The following KIF21B variants were observed in gnomAD, a reference collection of about 807,000 sequenced individuals.
KIF21B encodes the protein kinesin family member 21B.
KIF21B carries 85 observed loss-of-function variants against 192.9 expected under a neutral mutation model. That is an observed-to-expected ratio of 0.44 (90% CI 0.37 to 0.53). The LOEUF (loss-of-function observed/expected upper bound fraction) is 0.53. Among genes scored for constraint, KIF21B ranks in the 20% least tolerant of loss-of-function variants. The pLI, the probability that KIF21B is intolerant of heterozygous loss-of-function variation, is 0.00. For missense variants in KIF21B, 1,716 were observed against 2,194.8 expected, an observed-to-expected ratio of 0.78 and a Z score of 4.36; for synonymous variants, 832 against 884.6, an observed-to-expected ratio of 0.94 and a Z score of 1.05.
chr1:200,988,587 G>T, intron 22 of KIF21B, 43 bp from the exon 23 acceptor site: 1 of 1,517,500 alleles, frequency 6.6e-7, no homozygotes. Flanking sequence ...GAGAAGCCCT[G>T]TCCAAGTGTC....
chr1:200,986,943 C>A, intron 25 of KIF21B, 25 bp from the exon 26 acceptor site: 19 of 1,612,494 alleles, frequency 1.2e-5, no homozygotes, highest in Non-Finnish European at 1.5e-5. Flanking sequence ...TCCAGTGAGG[C>A]CCAGACCCAA....
rs1220237088 is a variant in KIF21B at position 200,979,612 on chromosome 1, C to T, written c.4083G>A (p.Gly1361=). ...AGGAGGTGGACACGGAGAACACAAG[C>T]CCCGAGTGGCTGCAGTACTTGATGG... ...VVSIKYCSHS[G]LVFSVSTSYI... Residue 1361 remains glycine, a synonymous_variant, in exon 30 of 35, where the codon GGG becomes GGA. Coordinates refer to ENST00000461742, the MANE Select transcript of KIF21B (RefSeq NM_001252102.2). The T allele has an allele frequency of 3.1e-6, 5 of 1,592,794 alleles. No homozygotes were observed. The highest frequency in any genetic ancestry group is 4.3e-6 in the Non-Finnish European group (5 of 1,169,882).
In KIF21B at chr1:200,974,733, G is replaced by A. The variant is rs139376570; in HGVS notation, c.4795C>T (p.His1599Tyr). 1,060 of 1,614,216 alleles carry A rather than the reference G, an allele frequency of 6.6e-4. 8 individuals carry two copies. The Admixed American group carries it at 0.011, about 16-fold the overall frequency. ...ACCCACCTGGAGGCTGTGAAGATAT[G>A]CTTGGCATTGGTGCAGATGGCATTG... ...PINAICTNAK[H>Y]IFTASSDLTV... is the part of the protein sequence containing the mutation. Residue 1599 changes from histidine to tyrosine, a missense_variant, in exon 34 of 35, where the codon CAT (histidine) becomes TAT (tyrosine). By Grantham distance (83) the His-to-Tyr change is moderately conservative. Coordinates refer to ENST00000461742, the MANE Select transcript of KIF21B (RefSeq NM_001252102.2).
At position 200,990,054 on chromosome 1, in the gene KIF21B, G is replaced by C; in HGVS notation, c.3031-11C>G. 1 of 1,613,416 alleles carries C rather than the reference G, an allele frequency of 6.2e-7. No individual in the cohort carries two copies. The highest frequency in any genetic ancestry group is 8.5e-7 in the Non-Finnish European group (1 of 1,179,656). On this transcript the variant is annotated splice_polypyrimidine_tract_variant and intron_variant, in intron 20 of 34. Coordinates refer to ENST00000461742, the MANE Select transcript of KIF21B (RefSeq NM_001252102.2). This position sits in a 1 kb window ranked among gnomAD's most constrained non-coding sequence, Gnocchi z 5.4. ...GGAGTCCAGCTCCTCCTAGGACCGG[G>C]AGGCAGAGAGCCCCGTCACCTGGGG...
intron 29 of KIF21B, among the ~76,000 whole-genome samples, chr1:200,980,541 T>G (rs1292386302): frequency 6.6e-6 from 1 of 152,264 alleles, no homozygotes; most frequent in African/African-American, 2.4e-5. Context: ...TATGAGCCAC[T>G]GTGCCCAGCC....
Position 201,000,755 on chromosome 1 carries a change from C to T in KIF21B, c.1428G>A (p.Ala476=), listed in dbSNP as rs766490479. 65 of 1,614,208 alleles carry T rather than the reference C, an allele frequency of 4.0e-5. No individual in the cohort carries two copies. In the East Asian group the frequency reaches 1.2e-3, roughly 29 times the overall value. The change falls in exon 10 of 35, where the codon GCG becomes GCA. Residue 476 remains alanine (A), a synonymous_variant. Transcript: ENST00000461742. The surrounding 1 kb of genome is among the most constrained non-coding windows in gnomAD (Gnocchi z 6.0). The part of the protein sequence containing the change: ...KAGDGNEAIG[A]LIQNYIREIE... ...TCTCCCGGATGTAGTTCTGGATCAG[C>T]GCACCAATGGCCTCATTGCCATCGC... is the stretch of plus-strand genomic sequence containing the variant.
chr1:200,976,629 A>G (rs10505675), intron 32 of KIF21B, 147 bp downstream of exon 32: 14,199 of 499,620 alleles, frequency 0.028, 612 homozygotes, highest in East Asian at 0.11. Context: ...CTTTCTGCAC[A>G]TAAATTCTTG....
Position 200,998,481 on chromosome 1 carries a change from C to T in KIF21B, c.1980G>A (p.Leu660=). ...IDELENSQRR[L]QTLKHQYEEK... ...CCTCATACTGGTGCTTGAGCGTCTG[C>T]AACCGCCGCTGGCTGTTCTCCAGCT... The change falls in exon 14 of 35, where the codon TTG becomes TTA. Residue 660 remains leucine (L), a synonymous_variant. Coordinates refer to ENST00000461742, the MANE Select transcript of KIF21B (RefSeq NM_001252102.2). This position sits in a 1 kb window ranked among gnomAD's most constrained non-coding sequence, Gnocchi z 4.3. 1.2e-6 allele frequency: 2 copies of T among 1,614,086 alleles called. No homozygotes were observed. Among genetic ancestry groups the T allele is most frequent in the Non-Finnish European group, 1.7e-6 (2 of 1,180,038 alleles).
chr1:200,978,763 TAC>T (rs1655724409), intron 30 of KIF21B, among the ~76,000 whole-genome samples: 1 of 152,228 alleles, frequency 6.6e-6, no homozygotes, highest in Admixed American at 6.5e-5. Flanking sequence ...CATGGCTCAC[TAC>T]AGTCTCGACC....
intron 34 of KIF21B, chr1:200,974,133 C>T: frequency 6.2e-7 from 1 of 1,601,858 alleles, no homozygotes; most frequent in East Asian, 2.2e-5. Context: ...ATGGCCAGGA[C>T]TCGGCGAGGA....
Position 201,000,016 on chromosome 1 carries a change from G to A in KIF21B, c.1686-52C>T. On this transcript the variant is annotated intron_variant, in intron 11 of 34. Transcript: ENST00000461742. This position sits in a 1 kb window ranked among gnomAD's most constrained non-coding sequence, Gnocchi z 6.0. ...ATTAGGAAGGCTGCCCCTGCCCTGA[G>A]CACATGGGCAGGACGGCGGCAGCGG... is the stretch of plus-strand genomic sequence containing the variant. The A allele has an allele frequency of 6.6e-7, 1 of 1,511,358 alleles. No homozygotes were observed. The highest frequency in any genetic ancestry group is 9.2e-7 in the Non-Finnish European group (1 of 1,088,998). The allele number at this position is 1,511,358 out of a possible 1,614,324, so 93.6% of individuals were successfully genotyped here.
intron 32 of KIF21B, 100 bp downstream of exon 32, chr1:200,976,676 G>T: frequency 1.5e-6 from 1 of 682,272 alleles, no homozygotes; most frequent in Non-Finnish European, 2.5e-6. Flanking sequence ...GACATCCCCA[G>T]AAGTCTTATA....
intron 28 of KIF21B, among the ~76,000 whole-genome samples, 193 bp from the exon 29 acceptor site, chr1:200,981,289 C>T (rs1436125317): frequency 1.3e-5 from 2 of 152,198 alleles, no homozygotes. Context: ...TGGAGATAGC[C>T]TGTCTTAATC....
intron 21 of KIF21B, among the ~76,000 whole-genome samples, chr1:200,989,383 C>A (rs1242341558): frequency 1.3e-5 from 2 of 152,196 alleles, no homozygotes; most frequent in Non-Finnish European, 2.9e-5. Context: ...GAGTCTCCTG[C>A]CTCCTTCCAG....
chr1:200,991,004 G>A lies in KIF21B; in HGVS notation c.2600C>T (p.Ser867Phe). 6.2e-7 allele frequency: 1 copy of A among 1,614,202 alleles called. No homozygotes were observed. The highest frequency in any genetic ancestry group is 1.1e-5 in the South Asian group (1 of 91,086). Residue 867 changes from serine to phenylalanine, a missense_variant, in exon 18 of 35, where the codon TCC (serine) becomes TTC (phenylalanine). Physicochemically the swap from Ser to Phe is radical, Grantham distance 155. Transcript: ENST00000461742. ...SEAESGARSV[S>F]SIVRQWNRKI... is the part of the protein sequence containing the mutation. ...GCGGTTCCACTGGCGCACGATGCTG[G>A]AGACAGAGCGGGCCCCTGATTCAGC...
At chr1:200,984,832 C>T (rs780043262) in intron 27 of KIF21B, 27 bp downstream of exon 27, 2 of 1,484,410 alleles carry the variant, frequency 1.3e-6, no homozygotes, top group Admixed American at 4.6e-5. Flanking sequence ...CAGTGCCCTC[C>T]CCCACTTGCC....
chr1:200,987,873 A>G (rs1656406963), intron 24 of KIF21B, among the ~76,000 whole-genome samples: 1 of 152,248 alleles, frequency 6.6e-6, no homozygotes, highest in Non-Finnish European at 1.5e-5. Flanking sequence ...CCTCATTATT[A>G]GGTAAACTTC....
chr1:200,973,881 G>A, intron 34 of KIF21B: 1 of 1,461,356 alleles, frequency 6.8e-7, no homozygotes, highest in Non-Finnish European at 9.0e-7. Flanking sequence ...CATCTCCTGG[G>A]GCCTGTCCCA....
intron 24 of KIF21B, 91 bp from the exon 25 acceptor site, chr1:200,987,292 GAC>G (rs756311954): frequency 1.1e-5 from 13 of 1,134,802 alleles, no homozygotes; most frequent in Non-Finnish European, 1.5e-5. Flanking sequence ...TTTTTTTTGA[GAC>G]AGTGGTGCAA....
Sources: gnomAD v4.1 joint callset for allele counts (sites outside exome capture counted in the v4.1 genomes callset) on GRCh38, gnomAD v4.1.1 for gene constraint, Gnocchi (gnomAD v3.1) non-coding constraint, MANE v1.5 for transcripts, NCBI Gene and HGNC (gene_info 2026-07-23, HGNC 2026-07-21) for gene names.